Variants in LRMDA observed in about 807,000 individuals in gnomAD.
The protein encoded by LRMDA is leucine rich melanocyte differentiation associated.
LRMDA carries 18 observed loss-of-function variants against 29.8 expected under a neutral mutation model. That is an observed-to-expected ratio of 0.60 (90% CI 0.42 to 0.90). The LOEUF (loss-of-function observed/expected upper bound fraction) is 0.90. LRMDA is among the 40% of genes least tolerant of loss of function. The pLI is 0.00. For synonymous variants in LRMDA, 125 were observed against 109.4 expected (o/e 1.14, Z -0.89); for missense variants, 273 against 273.9 (o/e 1.00, Z 0.02).
intron 6 of LRMDA, among the ~76,000 whole-genome samples, chr10:76,442,489 G>A (rs1842314187): frequency 6.6e-6 from 1 of 152,144 alleles, no homozygotes; most frequent in African/African-American, 2.4e-5. Context: ...CCAGGAGTTC[G>A]AGACCAGCCT....
chr10:76,542,506 T>TA (rs1160314268), intron 6 of LRMDA, among the ~76,000 whole-genome samples: 4 of 152,246 alleles, frequency 2.6e-5, no homozygotes, highest in African/African-American at 9.6e-5. Flanking sequence ...TGCATCTGTC[T>TA]AACCTCATAA....
At chr10:75,735,812 G>T (rs1314637355) in intron 2 of LRMDA, among the ~76,000 whole-genome samples, 1 of 152,170 alleles carries the variant, frequency 6.6e-6, no homozygotes, top group Non-Finnish European at 1.5e-5. Flanking sequence ...CACCCGAGTC[G>T]CCTCAGAAGC....
intron 2 of LRMDA, among the ~76,000 whole-genome samples, chr10:75,645,517 G>A (rs751961075): frequency 7.2e-5 from 11 of 152,154 alleles, no homozygotes; most frequent in Admixed American, 2.6e-4. Context: ...GAGCTAGAAC[G>A]TGGCCTGGTG....
intron 2 of LRMDA, among the ~76,000 whole-genome samples, chr10:76,034,500 C>T (rs1208666492): frequency 2.6e-5 from 4 of 152,158 alleles, no homozygotes; most frequent in Non-Finnish European, 5.9e-5. Flanking sequence ...TGGGACCACC[C>T]CGAGGTCTGG....
chr10:75,462,896 A>T (rs1264187437), intron 2 of LRMDA, among the ~76,000 whole-genome samples: 1 of 152,160 alleles, frequency 6.6e-6, no homozygotes, highest in Non-Finnish European at 1.5e-5. Context: ...TTTCGGTTAT[A>T]TTCCTATCTG....
At chr10:75,718,032 CT>C (rs1309692824) in intron 2 of LRMDA, among the ~76,000 whole-genome samples, 1 of 152,142 alleles carries the variant, frequency 6.6e-6, no homozygotes, top group Non-Finnish European at 1.5e-5. Context: ...TATAAGAGTG[CT>C]TTGTAATCTG....
rs1847430251 is a variant in LRMDA at position 75,994,714 on chromosome 10, T to A, written c.132-41294T>A. On this transcript the variant is annotated intron_variant, in intron 2 of 6. Transcript: ENST00000611255. ...AGGCCATCTCCTGAAGTCACCGTGT[T>A]TTTTATATAACATTTTGTCCTTTTA... Among the ~76,000 whole-genome samples the A allele has an allele frequency of 2.6e-5, 4 of 152,316 alleles. No individual in the cohort carries two copies. The South Asian group carries it at 8.3e-4, about 32-fold the overall frequency.
At chr10:76,526,964 C>T (rs997212648) in intron 6 of LRMDA, among the ~76,000 whole-genome samples, 5 of 112,406 alleles carry the variant, frequency 4.4e-5, no homozygotes, top group Non-Finnish European at 9.0e-5. Flanking sequence ...TACCCTAAAA[C>T]GTAAAGTATA....
intron 5 of LRMDA, among the ~76,000 whole-genome samples, chr10:76,247,512 G>A (rs994113291): frequency 2.6e-5 from 4 of 152,218 alleles, no homozygotes; most frequent in Admixed American, 1.3e-4. Flanking sequence ...ATTCAGCTGC[G>A]GATAAAACTG....
chr10:75,684,826 G>A (rs1252081332), intron 2 of LRMDA, among the ~76,000 whole-genome samples: 1 of 152,180 alleles, frequency 6.6e-6, no homozygotes, highest in Non-Finnish European at 1.5e-5. Context: ...GCTTGAACCA[G>A]TGGCCTCAGG....
At chr10:76,424,427 T>C (rs1161027208) in intron 6 of LRMDA, among the ~76,000 whole-genome samples, 1 of 152,130 alleles carries the variant, frequency 6.6e-6, no homozygotes, top group Non-Finnish European at 1.5e-5. Flanking sequence ...TAGTCCCAGC[T>C]ACTTGGGAGG....
chr10:76,180,473 G>T (rs1392788961), intron 5 of LRMDA, among the ~76,000 whole-genome samples: 3 of 151,746 alleles, frequency 2.0e-5, no homozygotes, highest in Non-Finnish European at 4.4e-5. Context: ...TAGAGATGGG[G>T]TTTCACCATG....
chr10:76,469,804 G>A (rs1367439842), intron 6 of LRMDA, among the ~76,000 whole-genome samples: 1 of 152,054 alleles, frequency 6.6e-6, no homozygotes, highest in Non-Finnish European at 1.5e-5. Context: ...AAAACCTAAA[G>A]GACTAGCCTC....
At chr10:75,835,874 A>G (rs1337858808) in intron 2 of LRMDA, among the ~76,000 whole-genome samples, 1 of 152,156 alleles carries the variant, frequency 6.6e-6, no homozygotes, top group East Asian at 1.9e-4. Context: ...ATTAGCCAAA[A>G]TGGTGCTGCA....
rs76806005 is a variant in LRMDA, at chr10:75,692,695, C to T, written c.131+254201C>T. Among the ~76,000 whole-genome samples the T allele has an allele frequency of 1.2e-3, 180 of 151,872 alleles. 2 individuals are homozygous for T. Among genetic ancestry groups the T allele is most frequent in the African/African-American group, 4.1e-3 (171 of 41,436 alleles). On this transcript the variant is annotated intron_variant, in intron 2 of 6. Coordinates refer to ENST00000611255, the MANE Select transcript of LRMDA (RefSeq NM_001305581.2). ...TAGGTTTCTAGTATGAATAGTGTTC[C>T]TCCCTTTTGCTCACCTATGAGTCGC...
intron 6 of LRMDA, among the ~76,000 whole-genome samples, chr10:76,479,306 C>T (rs929699712): frequency 1.3e-5 from 2 of 151,748 alleles, no homozygotes; most frequent in African/African-American, 2.4e-5. Context: ...CAAGGGAGAG[C>T]GACTTTATTA....
chr10:75,781,113 C>G (rs1466532871), intron 2 of LRMDA, among the ~76,000 whole-genome samples: 1 of 152,200 alleles, frequency 6.6e-6, no homozygotes, highest in African/African-American at 2.4e-5. Context: ...GCAGAATCTT[C>G]CCTGATTGCC....
At chr10:76,205,233 A>G (rs1181686163) in intron 5 of LRMDA, among the ~76,000 whole-genome samples, 1 of 152,108 alleles carries the variant, frequency 6.6e-6, no homozygotes, top group African/African-American at 2.4e-5. Context: ...GGAAGAGCAT[A>G]TTTCACCTAA....
chr10:75,750,722 G>A (rs551463977), intron 2 of LRMDA, among the ~76,000 whole-genome samples: 19 of 147,576 alleles, frequency 1.3e-4, no homozygotes, highest in South Asian at 8.8e-4. Context: ...CAGACGGGGC[G>A]GGGGGGCAGA....
Sources: allele counts gnomAD v4.1 joint callset (sites outside exome capture counted in the v4.1 genomes callset), GRCh38; gene constraint gnomAD v4.1.1; transcripts MANE v1.5; gene names NCBI Gene and HGNC (gene_info 2026-07-23, HGNC 2026-07-21).